STK3: variants seen among roughly 807,000 people sequenced by gnomAD.
The protein encoded by STK3 is serine/threonine kinase 3, also known as serine/threonine-protein kinase 3.
In STK3, 41 loss-of-function variants were observed where a neutral mutation model predicts 58.0. That is an observed-to-expected ratio of 0.71 (90% confidence interval 0.55 to 0.92). The LOEUF (loss-of-function observed/expected upper bound fraction) is 0.92, where lower values mean the gene tolerates loss of function less well. Among genes scored for constraint, STK3 ranks in the 40% least tolerant of loss-of-function variants. The probability of loss-of-function intolerance (pLI) is 0.00; values close to 1 mark genes in which losing one functional copy is unlikely to be tolerated. For synonymous variants in STK3, 170 were observed against 191.0 expected, an observed-to-expected ratio of 0.89 and a Z score of 0.91; for missense variants, 479 against 602.7, an observed-to-expected ratio of 0.79 and a Z score of 2.15.
chr8:98,414,708 G>C (rs1275604200), intron 3 of STK3, among the ~76,000 whole-genome samples: 3 of 152,156 alleles, frequency 2.0e-5, no homozygotes, highest in African/African-American at 7.2e-5. Context: ...TTGCAACTAG[G>C]ATTGGTCATG....
chr8:98,361,662 C>T, the STK3 span, among the ~76,000 whole-genome samples: 2 of 152,146 alleles, frequency 1.3e-5, no homozygotes, highest in South Asian at 2.1e-4. Context: ...TGCCTCCAGT[C>T]CCCTCTCTGT....
chr8:98,631,232 A>G (rs1819203889), intron 6 of STK3, among the ~76,000 whole-genome samples: 1 of 152,116 alleles, frequency 6.6e-6, no homozygotes, highest in South Asian at 2.1e-4. Context: ...TTTAAATCAC[A>G]CATCAGACCA....
intron 3 of STK3, among the ~76,000 whole-genome samples, chr8:98,417,991 C>T (rs1336320349): frequency 6.6e-6 from 1 of 152,050 alleles, no homozygotes; most frequent in Non-Finnish European, 1.5e-5. Flanking sequence ...CTCACTGCAG[C>T]CTTGAACTCC....
intron 1 of STK3, among the ~76,000 whole-genome samples, chr8:98,909,792 T>C (rs1253983118): frequency 6.6e-6 from 1 of 152,284 alleles, no homozygotes; most frequent in Non-Finnish European, 1.5e-5. Context: ...AGCTTTTGGC[T>C]ATTATGAATA....
At position 98,660,350 on chromosome 8, in the gene STK3, C is replaced by G. The variant is rs140991095; in HGVS notation, c.684+46117G>C. On this transcript the variant is annotated intron_variant, in intron 6 of 10. Coordinates refer to ENST00000419617, the MANE Select transcript of STK3 (RefSeq NM_006281.4). ...AAAATCCTGCAGATCTGCTGTACAA[C>G]AATCTGAATACATTTAACGCTACTG... Among the ~76,000 whole-genome samples, 407 of 152,040 alleles carry G rather than the reference C, an allele frequency of 2.7e-3. 2 individuals carry two copies. The highest frequency in any genetic ancestry group is 9.4e-3 in the African/African-American group (390 of 41,492).
intron 10 of STK3, among the ~76,000 whole-genome samples, chr8:98,511,691 A>G (rs888395979): frequency 2.0e-5 from 3 of 152,122 alleles, no homozygotes; most frequent in Non-Finnish European, 2.9e-5. Flanking sequence ...CTGGAAATGT[A>G]TTATCAATCT....
intron 4 of STK3, among the ~76,000 whole-genome samples, chr8:98,723,226 A>G (rs1827562417): frequency 1.3e-5 from 2 of 152,156 alleles, no homozygotes; most frequent in Admixed American, 1.3e-4. Flanking sequence ...CTCAGCAATC[A>G]GGGATAAAAG....
At chr8:98,655,087 C>T (rs1265345348) in intron 6 of STK3, among the ~76,000 whole-genome samples, 31 of 151,766 alleles carry the variant, frequency 2.0e-4, no homozygotes, top group Non-Finnish European at 4.1e-4. Flanking sequence ...TCAAACTATA[C>T]TACAAGGCTA....
intron 3 of STK3, among the ~76,000 whole-genome samples, chr8:98,424,909 A>G: frequency 6.6e-6 from 1 of 152,190 alleles, no homozygotes; most frequent in Non-Finnish European, 1.5e-5. Flanking sequence ...GAAGGCAGGC[A>G]GCTCGTAGTG....
At chr8:98,727,624 A>T (rs1158539230) in intron 4 of STK3, among the ~76,000 whole-genome samples, 2 of 152,244 alleles carry the variant, frequency 1.3e-5, no homozygotes, top group East Asian at 1.9e-4. Flanking sequence ...TTCCAGATGT[A>T]TAACAGCTTT....
chr8:98,897,480 G>T (rs1407511438), intron 1 of STK3, among the ~76,000 whole-genome samples: 4 of 151,528 alleles, frequency 2.6e-5, no homozygotes, highest in Non-Finnish European at 5.9e-5. Context: ...GGAGAATGGC[G>T]TGAACTCGGG....
intron 1 of STK3, among the ~76,000 whole-genome samples, chr8:98,816,372 A>G (rs1188777092): frequency 1.3e-5 from 2 of 152,078 alleles, no homozygotes; most frequent in African/African-American, 4.8e-5. Context: ...TTACCTGGGC[A>G]TGGTGGCCAA....
At chr8:98,490,994 T>A (rs1284318299) in intron 10 of STK3, among the ~76,000 whole-genome samples, 1 of 152,166 alleles carries the variant, frequency 6.6e-6, no homozygotes, top group Admixed American at 6.5e-5. Flanking sequence ...GAGTTTTATT[T>A]TTTTCCTTTA....
In STK3 at chr8:98,656,978, C is replaced by T. The variant is rs184301629; in HGVS notation, c.684+49489G>A. Among the ~76,000 whole-genome samples the T allele has an allele frequency of 6.9e-3, 1,044 of 152,022 alleles. 8 individuals are homozygous for T. Among genetic ancestry groups the T allele is most frequent in the African/African-American group, 0.023 (972 of 41,454 alleles). On this transcript the variant is annotated intron_variant, in intron 6 of 10. Coordinates refer to ENST00000419617, the MANE Select transcript of STK3 (RefSeq NM_006281.4). ...TTATTATTTAATAAGAATTACTCTA[C>T]GTAATACAGATGGATACAAAATGAC...
rs376330365 is a variant in STK3 at position 98,701,692 on chromosome 8, A to ACT, written c.684+4773_684+4774dup. ...TACACACACACACTCACACACACACACTCTCTCTCTCTCACACTCACTTCC... is the reference window on the plus strand; with the variant it reads ...TACACACACACACTCACACACACACACTCTCTCTCTCTCTCACACTCACTTCC... On this transcript the variant is annotated intron_variant, in intron 6 of 10. Coordinates refer to ENST00000419617, the MANE Select transcript of STK3 (RefSeq NM_006281.4). Among the ~76,000 whole-genome samples, 995 of 150,228 alleles carry ACT rather than the reference A, an allele frequency of 6.6e-3. 6 individuals are homozygous for ACT. The highest frequency in any genetic ancestry group is 0.023 in the African/African-American group (935 of 41,022).
intron 6 of STK3, among the ~76,000 whole-genome samples, chr8:98,637,660 T>A (rs1819714657): frequency 6.6e-6 from 1 of 152,206 alleles, no homozygotes; most frequent in African/African-American, 2.4e-5. Flanking sequence ...CAATGTCTTA[T>A]TTTGGAGCTA....
At chr8:98,903,528 TCTTCTTCTTCTTCTTCTTCTTCTTCTTC>T (rs1378237755) in intron 1 of STK3, among the ~76,000 whole-genome samples, 57 of 30,740 alleles carry the variant, frequency 1.9e-3, no homozygotes, top group Admixed American at 5.7e-3. Flanking sequence ...TTCTTCTTCT[TCTTCTTCTTCTTCTTCTTCTTCTTCTTC>T]CTTTTTTTTT....
At chr8:98,439,388 G>C (rs1818611178) in intron 1 of STK3, 1 of 152,208 alleles carries the variant, frequency 6.6e-6, no homozygotes, top group Non-Finnish European at 1.5e-5. Context: ...AGCCTCCCAG[G>C]CTGGAGACCT....
chr8:98,681,824 A>G (rs1823662513), intron 6 of STK3, among the ~76,000 whole-genome samples: 1 of 152,226 alleles, frequency 6.6e-6, no homozygotes, highest in Non-Finnish European at 1.5e-5. Flanking sequence ...GCTTGTTTGT[A>G]TGGAATCTGC....
Sources: gnomAD v4.1 joint callset for allele counts (sites outside exome capture counted in the v4.1 genomes callset) on GRCh38, gnomAD v4.1.1 for gene constraint, MANE v1.5 for transcripts, NCBI Gene and HGNC (gene_info 2026-07-23, HGNC 2026-07-21) for gene names.